Variants in PREB observed in about 807,000 individuals in gnomAD.
PREB encodes prolactin regulatory element binding.
A neutral mutation model predicts 46.7 loss-of-function variants in PREB; 29 were observed. That is an observed-to-expected ratio of 0.62 (90% CI 0.46 to 0.85). The LOEUF is 0.85. PREB is among the 40% of genes least tolerant of loss of function. The pLI is 0.00. For synonymous variants in PREB, 224 were observed against 220.1 expected (o/e 1.02, Z -0.16); for missense variants, 494 against 528.4 (o/e 0.93, Z 0.64).
chr2:27,133,391 C>T lies in PREB; in HGVS notation c.326-54G>A. ...AGGCTTCTACAGTAAGGAGTACTGGCCCCTCTCTCCATGGCAGGTGCCCAT... is the reference window on the plus strand; with the variant it reads ...AGGCTTCTACAGTAAGGAGTACTGGTCCCTCTCTCCATGGCAGGTGCCCAT... On this transcript the variant is annotated intron_variant, in intron 2 of 8. Transcript: ENST00000260643. 3.7e-6 allele frequency: 6 copies of T among 1,605,490 alleles called. No homozygotes were observed. The South Asian group carries it at 4.4e-5, about 12-fold the overall frequency.
At chr2:27,134,155 G>T in intron 1 of PREB, 132 bp downstream of exon 1, 2 of 1,239,260 alleles carry the variant, frequency 1.6e-6, no homozygotes, top group Non-Finnish European at 1.1e-6. Context: ...TGGGCGTCAG[G>T]CAAGCGGGTC....
At position 27,132,202 on chromosome 2, in the gene PREB, A is replaced by T. The variant is rs1407983469; in HGVS notation, c.926+28T>A. 1 of 1,613,822 alleles carries T rather than the reference A, an allele frequency of 6.2e-7. No homozygotes were observed. Among genetic ancestry groups the T allele is most frequent in the Admixed American group, 1.7e-5 (1 of 60,012 alleles). ...TTCCAAGCTCCCTCAGGGACCCCCT[A>T]CCTAGCCAAGGCAGCAATGTCTCAC... is the stretch of plus-strand genomic sequence containing the variant. On this transcript the variant is annotated intron_variant, in intron 6 of 8. Transcript: ENST00000260643. This position sits in a 1 kb window ranked among gnomAD's most constrained non-coding sequence, Gnocchi z 4.0.
At position 27,134,296 on chromosome 2, in the gene PREB, C is replaced by T. The variant is rs561211238; in HGVS notation, c.126G>A (p.Lys42=). 6.2e-7 allele frequency: 1 copy of T among 1,608,184 alleles called. No individual in the cohort carries two copies. The highest frequency in any genetic ancestry group is 8.5e-7 in the Non-Finnish European group (1 of 1,178,164). ...GGCCCTGCGCTCTCACCACGCCATT[C>T]TTTATGCCTGTCTTGGCGGCGCCTC... ...GGGGAAKTGI[K]NGVHFLQLEL... Residue 42 remains lysine (K), a synonymous_variant, in exon 1 of 9, where the codon AAG becomes AAA. Transcript: ENST00000260643.
rs1460989220 is a variant in PREB, at chr2:27,131,018, C to T, written c.*396G>A. ...GCCAGGGGCTTCATGTGAAGAGGAA[C>T]TGGCCACAAGGCTGAGGGGAGGAGG... On this transcript the variant is annotated 3_prime_UTR_variant, in exon 9 of 9. Coordinates refer to ENST00000260643, the MANE Select transcript of PREB (RefSeq NM_013388.6). 3 of 547,398 alleles carry T rather than the reference C, an allele frequency of 5.5e-6. No individual in the cohort carries two copies. Among genetic ancestry groups the T allele is most frequent in the Non-Finnish European group, 9.8e-6 (3 of 305,934 alleles). 33.9% of individuals were successfully genotyped at this position (547,398 alleles called of 1,614,324 possible).
rs1672364777 is a variant in PREB at position 27,133,334 on chromosome 2, G to A, written c.329C>T (p.Ser110Phe). ...QQGNKAEKAG[S>F]KEQGPRQRKG... ...CCTTTGTCGAGGCCCCTGCTCCTTG[G>A]AACCTGTAACACAAACACTTGGCCA... The change falls in exon 3 of 9, where the codon TCC (serine) becomes TTC (phenylalanine). Residue 110 changes from serine (S) to phenylalanine (F), a missense_variant. Physicochemically the swap from Ser to Phe is radical, Grantham distance 155. Transcript: ENST00000260643. 1 of 1,614,004 alleles carries A rather than the reference G, an allele frequency of 6.2e-7. No homozygotes were observed.
intron 1 of PREB, 75 bp downstream of exon 1, chr2:27,134,212 C>T: frequency 6.9e-7 from 1 of 1,452,052 alleles, no homozygotes; most frequent in Non-Finnish European, 9.1e-7. Flanking sequence ...GTGGCCCGCC[C>T]CGCGACCCCC....
In PREB at chr2:27,132,587, C is replaced by A. The variant is rs777413654; in HGVS notation, c.752+16G>T. 3 of 1,613,650 alleles carry A rather than the reference C, an allele frequency of 1.9e-6. No homozygotes were observed. Among genetic ancestry groups the A allele is most frequent in the Non-Finnish European group, 2.5e-6 (3 of 1,179,992 alleles). Reference sequence around the variant, plus strand: ...TGGGCTATGCCTCTTTCAGCCACCACCCAAAGTCTTCACACCTGCAGGCCT... The same window carrying A: ...TGGGCTATGCCTCTTTCAGCCACCAACCAAAGTCTTCACACCTGCAGGCCT... On this transcript the variant is annotated intron_variant, in intron 5 of 8. Coordinates refer to ENST00000260643, the MANE Select transcript of PREB (RefSeq NM_013388.6). The surrounding 1 kb of genome is among the most constrained non-coding windows in gnomAD (Gnocchi z 4.0).
chr2:27,133,886 G>A (rs1177115998), intron 1 of PREB, 165 bp from the exon 2 acceptor site: 3 of 681,056 alleles, frequency 4.4e-6, no homozygotes, highest in Middle Eastern at 4.1e-4. Context: ...ACAGTGAGCA[G>A]GACTGGGATT....
Position 27,134,372 on chromosome 2 carries a change from T to C in PREB, c.50A>G (p.Tyr17Cys), listed in dbSNP as rs1672412765. Residue 17 changes from tyrosine (Y) to cysteine (C), a missense_variant, in exon 1 of 9, where the codon TAC (tyrosine) becomes TGC (cysteine). Physicochemically the swap from Tyr to Cys is radical, Grantham distance 194. Transcript: ENST00000260643. Reference protein sequence around the residue: ...PELYRAPFPLYALQVDPSTGL... With the variant: ...PELYRAPFPLCALQVDPSTGL... Reference sequence around the variant, plus strand: ...AGTGCTGGGGTCGACCTGAAGCGCGTACAACGGGAACGGAGCCCGGTACAG... The same window carrying C: ...AGTGCTGGGGTCGACCTGAAGCGCGCACAACGGGAACGGAGCCCGGTACAG... The C allele has an allele frequency of 6.2e-7, 1 of 1,610,656 alleles. No homozygotes were observed. Among genetic ancestry groups the C allele is most frequent in the Non-Finnish European group, 8.5e-7 (1 of 1,179,296 alleles).
rs1672299156 is a variant in PREB at position 27,132,027 on chromosome 2, T to C, written c.982A>G (p.Ile328Val). Reference protein sequence around the residue: ...GTVTGSVAIYIAFSLQCLYYV... With the variant: ...GTVTGSVAIYVAFSLQCLYYV... ...CCCATTACCTGGAGAGAGAAAGCTA[T>C]GTAGATGGCAACAGAGCCAGTGACT... Residue 328 changes from isoleucine (I) to valine (V), a missense_variant, in exon 7 of 9, where the codon ATA (isoleucine) becomes GTA (valine). Ile to Val is a conservative substitution (Grantham distance 29). Transcript: ENST00000260643. The surrounding 1 kb of genome is among the most constrained non-coding windows in gnomAD (Gnocchi z 4.0). The C allele has an allele frequency of 3.7e-6, 6 of 1,613,924 alleles. No individual in the cohort carries two copies. Among genetic ancestry groups the C allele is most frequent in the Middle Eastern group, 1.6e-4 (1 of 6,084 alleles).
At position 27,132,106 on chromosome 2, in the gene PREB, A is replaced by G. The variant is rs1299784952; in HGVS notation, c.927-24T>C. ...CACTGCAACAAACAATAAAGAGCTC[A>G]TTGTCCTGGAGGCTTGTGCAGCAAC... On this transcript the variant is annotated intron_variant, in intron 6 of 8. Coordinates refer to ENST00000260643, the MANE Select transcript of PREB (RefSeq NM_013388.6). This position sits in a 1 kb window ranked among gnomAD's most constrained non-coding sequence, Gnocchi z 4.0. 1.9e-6 allele frequency: 3 copies of G among 1,613,168 alleles called. No homozygotes were observed. Among genetic ancestry groups the G allele is most frequent in the African/African-American group, 1.3e-5 (1 of 74,972 alleles).
At chr2:27,133,805 G>C in intron 1 of PREB, 84 bp from the exon 2 acceptor site, 1 of 1,375,658 alleles carries the variant, frequency 7.3e-7, no homozygotes, top group Non-Finnish European at 1.0e-6. Context: ...TTACCCCTTT[G>C]CTTTCTGCAC....
rs1361345793 is a variant in PREB at position 27,131,789 on chromosome 2, C to A, written c.1042G>T (p.Asp348Tyr). 1 of 1,614,176 alleles carries A rather than the reference C, an allele frequency of 6.2e-7. No homozygotes were observed. The highest frequency in any genetic ancestry group is 1.7e-5 in the Admixed American group (1 of 60,030). ...CCCTTCTCAGGTAGAAAGGCCACATCCGTCACCACAATGCCATGGGCCTCC... is the reference window on the plus strand; with the variant it reads ...CCCTTCTCAGGTAGAAAGGCCACATACGTCACCACAATGCCATGGGCCTCC... ...VREAHGIVVT[D>Y]VAFLPEKGRG... The change falls in exon 8 of 9, where the codon GAT becomes TAT. Residue 348 changes from aspartate to tyrosine, a missense_variant. Transcript: ENST00000260643.
chr2:27,133,182 A>G lies in PREB; in HGVS notation c.481T>C (p.Cys161Arg). 4 of 1,614,216 alleles carry G rather than the reference A, an allele frequency of 2.5e-6. No homozygotes were observed. The highest frequency in any genetic ancestry group is 3.4e-6 in the Non-Finnish European group (4 of 1,180,046). ...FSSDPLQKVV[C>R]FNHDNTLLAT... ...AGCAGGGTATTATCGTGGTTGAAGC[A>G]CACAACTTTCTGCAGTGGATCGGAG... is the stretch of plus-strand genomic sequence containing the variant. Residue 161 changes from cysteine to arginine, a missense_variant, in exon 3 of 9, where the codon TGC (cysteine) becomes CGC (arginine). Coordinates refer to ENST00000260643, the MANE Select transcript of PREB (RefSeq NM_013388.6).
Position 27,131,240 on chromosome 2 carries a change from G to T in PREB, c.*174C>A. On this transcript the variant is annotated 3_prime_UTR_variant, in exon 9 of 9. Coordinates refer to ENST00000260643, the MANE Select transcript of PREB (RefSeq NM_013388.6). ...GAAGGCAAGGTTCCTGGGACCTGGAGTCACACAGGGCCATAGCCAAGCCTT... is the reference window on the plus strand; with the variant it reads ...GAAGGCAAGGTTCCTGGGACCTGGATTCACACAGGGCCATAGCCAAGCCTT... 1.6e-6 allele frequency: 1 copy of T among 640,290 alleles called. No homozygotes were observed. Among genetic ancestry groups the T allele is most frequent in the Non-Finnish European group, 2.7e-6 (1 of 367,120 alleles). The allele number at this position is 640,290 out of a possible 1,614,324, so 39.7% of individuals were successfully genotyped here. A position where few individuals can be genotyped will look rare whatever the true frequency, so the allele number is the denominator to read the frequency against.
In PREB at chr2:27,132,405, T is replaced by C. The variant is rs987655146; in HGVS notation, c.753-2A>G. On this transcript the variant is annotated splice_acceptor_variant, in intron 5 of 8. Transcript: ENST00000260643. LOFTEE classifies it high-confidence loss of function. The surrounding 1 kb of genome is among the most constrained non-coding windows in gnomAD (Gnocchi z 4.0). ...GGCTGGTCTGGAACCTGCCCAAACC[T>C]GGGGGCCGGATGAGGGGCTATTCAG... 4.3e-6 allele frequency: 7 copies of C among 1,609,470 alleles called. No homozygotes were observed. The highest frequency in any genetic ancestry group is 5.9e-6 in the Non-Finnish European group (7 of 1,178,422).
rs1199162620 is a variant in PREB at position 27,132,752 on chromosome 2, G to A, written c.628-25C>T. On this transcript the variant is annotated intron_variant, in intron 4 of 8. Transcript: ENST00000260643. This position sits in a 1 kb window ranked among gnomAD's most constrained non-coding sequence, Gnocchi z 4.0. ...ACTAGTTAGGAATAAAGATTCCAAG[G>A]ATGGACAGTTAGGGGATCCACTTAC... is the stretch of plus-strand genomic sequence containing the variant. 2 of 1,614,036 alleles carry A rather than the reference G, an allele frequency of 1.2e-6. No individual in the cohort carries two copies. The highest frequency in any genetic ancestry group is 1.3e-5 in the African/African-American group (1 of 75,010).
Position 27,132,677 on chromosome 2 carries a change from C to T in PREB, c.678G>A (p.Gln226=), listed in dbSNP as rs1431566068. ...DLKASVWQKD[Q]LVTQLHWQEN... Reference sequence around the variant, plus strand: ...CTTGCCAGTGCAGCTGTGTCACCAGCTGATCCTTCTGCCACACAGAGGCCT... The same window carrying T: ...CTTGCCAGTGCAGCTGTGTCACCAGTTGATCCTTCTGCCACACAGAGGCCT... Residue 226 remains glutamine (Q), a synonymous_variant, in exon 5 of 9, where the codon CAG becomes CAA. Coordinates refer to ENST00000260643, the MANE Select transcript of PREB (RefSeq NM_013388.6). The surrounding 1 kb of genome is among the most constrained non-coding windows in gnomAD (Gnocchi z 4.0). 1.2e-6 allele frequency: 2 copies of T among 1,614,054 alleles called. No homozygotes were observed. The highest frequency in any genetic ancestry group is 2.7e-5 in the African/African-American group (2 of 74,926).
At position 27,133,740 on chromosome 2, in the gene PREB, G is replaced by C; in HGVS notation, c.136-19C>G. The C allele has an allele frequency of 6.2e-7, 1 of 1,611,512 alleles. No homozygotes were observed. Among genetic ancestry groups the C allele is most frequent in the South Asian group, 1.1e-5 (1 of 90,862 alleles). ...GAAAGTGCTGTGGGAGGGGGAACCCGGATGAGCAAGTTCAGGGGTGCCCAG... is the reference window on the plus strand; with the variant it reads ...GAAAGTGCTGTGGGAGGGGGAACCCCGATGAGCAAGTTCAGGGGTGCCCAG... On this transcript the variant is annotated intron_variant, in intron 1 of 8. Coordinates refer to ENST00000260643, the MANE Select transcript of PREB (RefSeq NM_013388.6).
Sources: gnomAD v4.1 joint callset for allele counts on GRCh38, gnomAD v4.1.1 for gene constraint, Gnocchi (gnomAD v3.1) non-coding constraint, MANE v1.5 for transcripts, NCBI Gene and HGNC (gene_info 2026-07-23, HGNC 2026-07-21) for gene names.